Variants in LHFPL2 observed in about 807,000 individuals in gnomAD.
LHFPL2 encodes LHFPL tetraspan subfamily member 2 protein.
A neutral mutation model predicts 17.5 loss-of-function variants in LHFPL2; 7 were observed. The observed-to-expected ratio is 0.40, with a 90% CI of 0.23 to 0.75. The LOEUF (loss-of-function observed/expected upper bound fraction) is 0.75, where lower values mean the gene tolerates loss of function less well. LHFPL2 is among the 30% of genes least tolerant of loss of function. LHFPL2 has a pLI of 0.37. For synonymous variants in LHFPL2, 134 were observed against 116.2 expected (o/e 1.15, Z -0.99); for missense variants, 241 against 294.8 (o/e 0.82, Z 1.34).
Position 78,625,317 on chromosome 5 carries a change from T to G in LHFPL2, c.-245+6947A>C, listed in dbSNP as rs1580869840. 4 of 152,056 alleles carry G rather than the reference T, an allele frequency of 2.6e-5. No homozygotes were observed. The South Asian group carries it at 8.3e-4, about 32-fold the overall frequency. 9.4% of individuals were successfully genotyped at this position (152,056 alleles called of 1,614,324 possible). A position where few individuals can be genotyped will look rare whatever the true frequency, so the allele number is the denominator to read the frequency against. ...CGGGGACTGGGCTGCAAAACGAGGG[T>G]AGGCTCCTAGCTGCTGGTAAGGAAA... On this transcript the variant is annotated intron_variant, in intron 2 of 4. Coordinates refer to ENST00000380345, the MANE Select transcript of LHFPL2 (RefSeq NM_005779.3).
intron 4 of LHFPL2, among the ~76,000 whole-genome samples, chr5:78,501,999 TAA>T (rs148475813): frequency 6.8e-6 from 1 of 147,704 alleles, no homozygotes; most frequent in Admixed American, 6.8e-5. Context: ...AAGTGTCAAT[TAA>T]AAAAAAAAGA....
chr5:78,632,969 C>T (rs1350967300), intron 1 of LHFPL2, among the ~76,000 whole-genome samples: 1 of 152,152 alleles, frequency 6.6e-6, no homozygotes, highest in Admixed American at 6.5e-5. Context: ...AGCAAGGACA[C>T]AGTTCACAAA....
intron 3 of LHFPL2, among the ~76,000 whole-genome samples, chr5:78,526,311 G>A (rs561343854): frequency 6.6e-6 from 1 of 152,076 alleles, no homozygotes; most frequent in Non-Finnish European, 1.5e-5. Flanking sequence ...GACTTTTTCC[G>A]GTAGCTGAAG....
At chr5:78,502,478 G>A (rs1382496572) in intron 4 of LHFPL2, among the ~76,000 whole-genome samples, 9 of 152,214 alleles carry the variant, frequency 5.9e-5, no homozygotes, top group Admixed American at 6.5e-5. Context: ...TAGTGATGAA[G>A]CCTTACTTCA....
At chr5:78,566,971 T>A (rs925418352) in intron 2 of LHFPL2, among the ~76,000 whole-genome samples, 3 of 152,184 alleles carry the variant, frequency 2.0e-5, no homozygotes, top group African/African-American at 7.2e-5. Context: ...AAAAGCTAAA[T>A]GAGTCACAAC....
chr5:78,611,858 A>G (rs1394231003), intron 2 of LHFPL2, among the ~76,000 whole-genome samples: 3 of 152,208 alleles, frequency 2.0e-5, no homozygotes, highest in Non-Finnish European at 4.4e-5. Flanking sequence ...TACGGAGGCC[A>G]CAAAGGGAGA....
intron 3 of LHFPL2, among the ~76,000 whole-genome samples, chr5:78,530,457 A>G (rs1258506237): frequency 6.6e-6 from 1 of 152,236 alleles, no homozygotes; most frequent in African/African-American, 2.4e-5. Context: ...CACACGGAAC[A>G]GGGTGCTGGG....
At position 78,535,587 on chromosome 5, in the gene LHFPL2, C is replaced by T. The variant is rs149608028; in HGVS notation, c.-185-25189G>A. Among the ~76,000 whole-genome samples, 59 of 152,344 alleles carry T rather than the reference C, an allele frequency of 3.9e-4. 1 individual carries two copies. In the East Asian group the frequency reaches 0.011, roughly 27 times the overall value. On this transcript the variant is annotated intron_variant, in intron 3 of 4. Coordinates refer to ENST00000380345, the MANE Select transcript of LHFPL2 (RefSeq NM_005779.3). ...CCCCTCCCTCACCGTCAGCCCCCAG[C>T]GCTGTCTCCTCCCAAGCCTGCTCCA... is the stretch of plus-strand genomic sequence containing the variant.
intron 2 of LHFPL2, among the ~76,000 whole-genome samples, chr5:78,603,779 T>C (rs1014221673): frequency 2.6e-5 from 4 of 152,250 alleles, no homozygotes. Context: ...GCATTATTTA[T>C]GCCAGCTTCA....
intron 3 of LHFPL2, among the ~76,000 whole-genome samples, chr5:78,511,551 G>A (rs1396796491): frequency 2.0e-5 from 3 of 152,208 alleles, no homozygotes; most frequent in South Asian, 2.1e-4. Context: ...CTCATTAACC[G>A]AGGTCAAATC....
rs1252935067 is a variant in LHFPL2, at chr5:78,589,593, C to T, written c.-244-24722G>A. Among the ~76,000 whole-genome samples, 3 of 152,156 alleles carry T rather than the reference C, an allele frequency of 2.0e-5. No individual in the cohort carries two copies. The East Asian group carries it at 5.8e-4, about 29-fold the overall frequency. ...ACAGTTCAAATGGTGTCTACTCTTG[C>T]CCGCCTTTCCCTGTCCCTCCTCAAC... On this transcript the variant is annotated intron_variant, in intron 2 of 4. Coordinates refer to ENST00000380345, the MANE Select transcript of LHFPL2 (RefSeq NM_005779.3).
chr5:78,620,256 G>T (rs1422100687), intron 2 of LHFPL2, among the ~76,000 whole-genome samples: 1 of 151,384 alleles, frequency 6.6e-6, no homozygotes, highest in Non-Finnish European at 1.5e-5. Context: ...CTGATGGCCA[G>T]TGATGGTGAG....
intron 4 of LHFPL2, among the ~76,000 whole-genome samples, chr5:78,508,867 G>A (rs1046678879): frequency 9.9e-5 from 3 of 30,198 alleles, no homozygotes; most frequent in African/African-American, 4.6e-4. Flanking sequence ...CAAAGCAAGA[G>A]TCTACTCTAC....
chr5:78,598,081 G>C (rs1417019058), intron 2 of LHFPL2, among the ~76,000 whole-genome samples: 1 of 152,196 alleles, frequency 6.6e-6, no homozygotes, highest in Non-Finnish European at 1.5e-5. Context: ...AGCAAATATA[G>C]GTTAAGGCCT....
intron 2 of LHFPL2, among the ~76,000 whole-genome samples, chr5:78,580,972 C>T (rs1270341773): frequency 1.3e-5 from 2 of 152,178 alleles, no homozygotes; most frequent in Non-Finnish European, 2.9e-5. Context: ...ATTCTTCCTA[C>T]CCGTGAGCAT....
chr5:78,622,148 C>T (rs1484110614), intron 2 of LHFPL2, among the ~76,000 whole-genome samples: 1 of 152,138 alleles, frequency 6.6e-6, no homozygotes, highest in African/African-American at 2.4e-5. Context: ...AAACATGACA[C>T]AGGAGCTCCA....
chr5:78,584,098 T>C (rs1295917535), intron 2 of LHFPL2, among the ~76,000 whole-genome samples: 1 of 151,462 alleles, frequency 6.6e-6, no homozygotes, highest in Non-Finnish European at 1.5e-5. Flanking sequence ...TTCTGCATTC[T>C]TCACGTAGTT....
chr5:78,537,475 A>C (rs1462618955), intron 3 of LHFPL2, among the ~76,000 whole-genome samples: 1 of 152,224 alleles, frequency 6.6e-6, no homozygotes, highest in African/African-American at 2.4e-5. Flanking sequence ...AATTAGAAAG[A>C]TTATATTGTT....
chr5:78,556,379 A>G (rs948765254), intron 3 of LHFPL2, among the ~76,000 whole-genome samples: 7 of 152,220 alleles, frequency 4.6e-5, no homozygotes, highest in Non-Finnish European at 7.3e-5. Context: ...TCTATTTAGG[A>G]AAACATTAGA....
Sources: gnomAD v4.1 joint callset for allele counts (sites outside exome capture counted in the v4.1 genomes callset) on GRCh38, gnomAD v4.1.1 for gene constraint, MANE v1.5 for transcripts, NCBI Gene and HGNC (gene_info 2026-07-23, HGNC 2026-07-21) for gene names.